The following CBLL1 variants were observed in gnomAD, a reference collection of about 807,000 sequenced individuals.
The protein encoded by CBLL1 is E3 ubiquitin-protein ligase Hakai.
In CBLL1, 4 loss-of-function variants were observed where a neutral mutation model predicts 44.9. The observed-to-expected ratio is 0.09, with a 90% CI of 0.04 to 0.20. The LOEUF (loss-of-function observed/expected upper bound fraction) is 0.20. CBLL1 is among the 10% of genes least tolerant of loss of function. The probability of loss-of-function intolerance (pLI) is 1.00; values close to 1 mark genes in which losing one functional copy is unlikely to be tolerated. For missense variants in CBLL1, 569 were observed against 636.7 expected (o/e 0.89, Z 1.14); for synonymous variants, 235 against 202.2 (o/e 1.16, Z -1.38).
chr7:107,751,705 A>G (rs1360769949), intron 2 of CBLL1, among the ~76,000 whole-genome samples: 1 of 152,212 alleles, frequency 6.6e-6, no homozygotes, highest in Non-Finnish European at 1.5e-5. Context: ...AGTTCAAACA[A>G]TGCAGAAAAG....
At chr7:107,747,607 C>T (rs2115595613) in intron 1 of CBLL1, among the ~76,000 whole-genome samples, 1 of 152,306 alleles carries the variant, frequency 6.6e-6, no homozygotes, top group Non-Finnish European at 1.5e-5. Flanking sequence ...TGGGTTAACC[C>T]TAACTCAAGA....
intron 1 of CBLL1, among the ~76,000 whole-genome samples, chr7:107,748,418 A>G (rs1416978482): frequency 6.6e-6 from 1 of 152,226 alleles, no homozygotes; most frequent in African/African-American, 2.4e-5. Context: ...CTTCATCAGT[A>G]TTAGTAAGTT....
At chr7:107,744,325 C>A in intron 1 of CBLL1, 149 bp downstream of exon 1, 1 of 999,958 alleles carries the variant, frequency 1.0e-6, no homozygotes, top group Non-Finnish European at 1.4e-6. Context: ...TTCCTGTGCC[C>A]GGCAGGGGCC....
At chr7:107,744,449 C>T (rs1201630370) in intron 1 of CBLL1, 2 of 423,520 alleles carry the variant, frequency 4.7e-6, no homozygotes, top group East Asian at 3.6e-5. Context: ...CGATGTAGGC[C>T]TTCGGGAAGG....
In CBLL1 at chr7:107,748,104, G is replaced by A. The variant is rs184969623; in HGVS notation, c.14-776G>A. 1.7e-3 allele frequency among the ~76,000 whole-genome samples: 260 copies of A among 152,164 alleles called. 3 individuals carry two copies. The highest frequency in any genetic ancestry group is 2.6e-3 in the Non-Finnish European group (178 of 67,994). ...GAAATAATACTCCTGTTACTCATGG[G>A]ACAAGAATTAATTTATTCTATAGAC... On this transcript the variant is annotated intron_variant, in intron 1 of 5. Coordinates refer to ENST00000440859, the MANE Select transcript of CBLL1 (RefSeq NM_024814.4).
Position 107,758,873 on chromosome 7 carries a change from A to C in CBLL1, c.1171A>C (p.Ile391Leu). The change falls in exon 6 of 6, where the codon ATT becomes CTT. Residue 391 changes from isoleucine to leucine, a missense_variant. By Grantham distance (5) the Ile-to-Leu change is conservative. Around this residue, in one of 5 missense-constraint regions of CBLL1, gnomAD observed 228 missense variants for 253.2 expected, o/e 0.90. Coordinates refer to ENST00000440859, the MANE Select transcript of CBLL1 (RefSeq NM_024814.4). The surrounding 1 kb of genome is among the most constrained non-coding windows in gnomAD (Gnocchi z 4.2). The stretch of plus-strand genomic sequence containing the variant: ...ACCAATAACCCCTCCCCCTGGACAT[A>C]TTATTGCCCAGATGCCACCTTATAT... ...PPPITPPPGH[I>L]IAQMPPYMNH... is the part of the protein sequence containing the mutation. The C allele has an allele frequency of 6.2e-7, 1 of 1,613,708 alleles. No homozygotes were observed. The highest frequency in any genetic ancestry group is 8.5e-7 in the Non-Finnish European group (1 of 1,179,884).
intron 2 of CBLL1, among the ~76,000 whole-genome samples, chr7:107,752,217 G>C (rs953408580): frequency 6.9e-6 from 1 of 144,188 alleles, no homozygotes; most frequent in Non-Finnish European, 1.5e-5. Flanking sequence ...AAAAAAAAAA[G>C]AAAAATTAAT....
rs1442002265 is a variant in CBLL1 at position 107,748,948 on chromosome 7, A to G, written c.82A>G (p.Ile28Val). Residue 28 changes from isoleucine to valine, a missense_variant, in exon 2 of 6, where the codon ATA becomes GTA. Ile to Val is a conservative substitution (Grantham distance 29, BLOSUM62 3). Coordinates refer to ENST00000440859, the MANE Select transcript of CBLL1 (RefSeq NM_024814.4). Reference protein sequence around the residue: ...GGLDVRRRIPIKLISKQANKA... With the variant: ...GGLDVRRRIPVKLISKQANKA... ...TCTTGATGTTCGCAGACGAATTCCT[A>G]TAAAGCTCATCTCCAAACAAGCAAA... The G allele has an allele frequency of 1.2e-6, 2 of 1,614,040 alleles. No individual in the cohort carries two copies. The highest frequency in any genetic ancestry group is 1.7e-6 in the Non-Finnish European group (2 of 1,180,000).
chr7:107,758,866 T>C lies in CBLL1; in HGVS notation c.1164T>C (p.Pro388=), dbSNP rs1793650239. ...CTCCACCACCAATAACCCCTCCCCCTGGACATATTATTGCCCAGATGCCAC... is the reference window on the plus strand; with the variant it reads ...CTCCACCACCAATAACCCCTCCCCCCGGACATATTATTGCCCAGATGCCAC... The part of the protein sequence containing the change: ...TSAPPPITPP[P]GHIIAQMPPY... The change falls in exon 6 of 6, where the codon CCT becomes CCC. Residue 388 remains proline, a synonymous_variant. Transcript: ENST00000440859. The surrounding 1 kb of genome is among the most constrained non-coding windows in gnomAD (Gnocchi z 4.2). 4.3e-6 allele frequency: 7 copies of C among 1,613,934 alleles called. No individual in the cohort carries two copies. The highest frequency in any genetic ancestry group is 5.9e-6 in the Non-Finnish European group (7 of 1,179,970).
In CBLL1 at chr7:107,753,419, G is replaced by T; in HGVS notation, c.190G>T (p.Asp64Tyr). 1 of 1,570,742 alleles carries T rather than the reference G, an allele frequency of 6.4e-7. No individual in the cohort carries two copies. Among genetic ancestry groups the T allele is most frequent in the Non-Finnish European group, 8.6e-7 (1 of 1,164,528 alleles). Residue 64 changes from aspartate (D) to tyrosine (Y), a missense_variant, in exon 3 of 6, where the codon GAT (aspartate) becomes TAT (tyrosine). By Grantham distance (160) the Asp-to-Tyr change is radical (BLOSUM62 -3). Coordinates refer to ENST00000440859, the MANE Select transcript of CBLL1 (RefSeq NM_024814.4). Reference sequence around the variant, plus strand: ...TACTTTTTTTTTCTCAGAAGGATTTGATTATAATGAAGAAGAACGGTATGA... The same window carrying T: ...TACTTTTTTTTTCTCAGAAGGATTTTATTATAATGAAGAAGAACGGTATGA... ...KAPPGDEEGF[D>Y]YNEEERYDCK...
At chr7:107,747,701 T>C (rs953266435) in intron 1 of CBLL1, among the ~76,000 whole-genome samples, 7 of 152,214 alleles carry the variant, frequency 4.6e-5, no homozygotes, top group African/African-American at 1.7e-4. Flanking sequence ...ATAATCGTTA[T>C]GGACCCATTT....
intron 1 of CBLL1, among the ~76,000 whole-genome samples, chr7:107,747,800 T>G (rs950276184): frequency 2.0e-5 from 3 of 152,204 alleles, no homozygotes; most frequent in Non-Finnish European, 4.4e-5. Context: ...TGGAGGCCAT[T>G]GGTACTAGCT....
chr7:107,757,846 A>T (rs1793598632), intron 5 of CBLL1, among the ~76,000 whole-genome samples: 1 of 152,104 alleles, frequency 6.6e-6, no homozygotes, highest in Non-Finnish European at 1.5e-5. Flanking sequence ...TGCAGAAGGT[A>T]CAATTGTTTG....
intron 2 of CBLL1, among the ~76,000 whole-genome samples, chr7:107,751,282 A>G (rs1304119372): frequency 6.6e-6 from 1 of 152,166 alleles, no homozygotes; most frequent in East Asian, 1.9e-4. Context: ...ATCTGACGGG[A>G]GGCGGAGGCA....
chr7:107,758,040 T>G lies in CBLL1; in HGVS notation c.441-103T>G. 9.5e-7 allele frequency: 1 copy of G among 1,049,694 alleles called. No homozygotes were observed. Among genetic ancestry groups the G allele is most frequent in the Non-Finnish European group, 1.4e-6 (1 of 738,612 alleles). 65.0% of individuals were successfully genotyped at this position (1,049,694 alleles called of 1,614,324 possible). On this transcript the variant is annotated intron_variant, in intron 5 of 5. Coordinates refer to ENST00000440859, the MANE Select transcript of CBLL1 (RefSeq NM_024814.4). This position sits in a 1 kb window ranked among gnomAD's most constrained non-coding sequence, Gnocchi z 4.2. ...CTTCTAATTGTGGACTTTTGCTATG[T>G]TTTATGTAACAGTCAAATTTTAAAA...
chr7:107,751,174 C>T (rs369117522), intron 2 of CBLL1, among the ~76,000 whole-genome samples: 2 of 152,240 alleles, frequency 1.3e-5, no homozygotes, highest in South Asian at 2.1e-4. Context: ...GCAACTGTTG[C>T]ATTAGTTAGA....
intron 1 of CBLL1, among the ~76,000 whole-genome samples, chr7:107,745,428 C>CTGG (rs1792965968): frequency 6.6e-6 from 1 of 152,134 alleles, no homozygotes; most frequent in Admixed American, 6.5e-5. Context: ...GCTGCAGCCT[C>CTGG]CTAATAGCCA....
intron 4 of CBLL1, among the ~76,000 whole-genome samples, chr7:107,754,785 A>AT (rs942982753): frequency 3.9e-5 from 6 of 152,092 alleles, no homozygotes; most frequent in African/African-American, 1.2e-4. Context: ...GAGAAACAAG[A>AT]TTAAAAAAAA....
chr7:107,759,838 A>G lies in CBLL1; in HGVS notation c.*660A>G, dbSNP rs530687120. ...TTTTTAGGCAGCCTCAGGAGCACCAAAATACATTGGAATTCTAGTACTAAG... is the reference window on the plus strand; with the variant it reads ...TTTTTAGGCAGCCTCAGGAGCACCAGAATACATTGGAATTCTAGTACTAAG... On this transcript the variant is annotated 3_prime_UTR_variant, in exon 6 of 6. Transcript: ENST00000440859. 6.6e-6 allele frequency: 1 copy of G among 152,430 alleles called. No individual in the cohort carries two copies. The highest frequency in any genetic ancestry group is 2.1e-4 in the South Asian group (1 of 4,828). 9.4% of individuals were successfully genotyped at this position (152,430 alleles called of 1,614,324 possible). A position where few individuals can be genotyped will look rare whatever the true frequency, so the allele number is the denominator to read the frequency against.
Sources: allele counts gnomAD v4.1 joint callset (sites outside exome capture counted in the v4.1 genomes callset), GRCh38; gene constraint gnomAD v4.1.1; regional missense constraint gnomAD v4.1.1; non-coding constraint Gnocchi (gnomAD v3.1); transcripts MANE v1.5; gene names NCBI Gene and HGNC (gene_info 2026-07-23, HGNC 2026-07-21).